FAM120B: variants seen among roughly 807,000 people sequenced by gnomAD.
FAM120B encodes the protein family with sequence similarity 120 member B.
FAM120B carries 83 observed loss-of-function variants against 96.3 expected under a neutral mutation model. That is an observed-to-expected ratio of 0.86 (90% CI 0.72 to 1.03). The LOEUF (loss-of-function observed/expected upper bound fraction) is 1.03. Ranked by LOEUF, FAM120B falls within the 50% of genes least tolerant of loss-of-function variation. The pLI, the probability that FAM120B is intolerant of heterozygous loss-of-function variation, is 0.00. For synonymous variants in FAM120B, 407 were observed against 402.7 expected, an observed-to-expected ratio of 1.01 and a Z score of -0.13; for missense variants, 1,027 against 1,121.2, an observed-to-expected ratio of 0.92 and a Z score of 1.20.
intron 1 of FAM120B, among the ~76,000 whole-genome samples, chr6:170,299,903 G>A (rs1160271074): frequency 1.3e-5 from 2 of 152,250 alleles, no homozygotes; most frequent in Non-Finnish European, 2.9e-5. Flanking sequence ...GATGTCTGCA[G>A]CAGTACCAGA....
intron 5 of FAM120B, 127 bp from the exon 6 acceptor site, chr6:170,358,099 C>T: frequency 1.3e-6 from 1 of 742,270 alleles, no homozygotes. Context: ...TGTGCGTGTG[C>T]CTGTACGTGC....
rs1783980863 is a variant in FAM120B at position 170,295,607 on chromosome 6, C to G, written c.48+154C>G. Among the ~76,000 whole-genome samples, 1 of 152,208 alleles carries G rather than the reference C, an allele frequency of 6.6e-6. No individual in the cohort carries two copies. The highest frequency in any genetic ancestry group is 1.5e-5 in the Non-Finnish European group (1 of 68,026). On this transcript the variant is annotated intron_variant, in intron 1 of 10. Coordinates refer to the FAM120B transcript ENST00000537664. This position sits in a 1 kb window ranked among gnomAD's most constrained non-coding sequence, Gnocchi z 7.8. ...AGCAGCCGGGGGCGAAGGAATCAGC[C>G]CCGCAGCGGCTCCTAAGCCTCCCCG...
chr6:170,362,657 A>G (rs1228467418), intron 6 of FAM120B, among the ~76,000 whole-genome samples: 2 of 151,728 alleles, frequency 1.3e-5, no homozygotes, highest in Non-Finnish European at 2.9e-5. Context: ...GTGCAATAAT[A>G]ATAATAATTT....
chr6:170,388,273 T>G lies in FAM120B; in HGVS notation c.2284-14T>G. On this transcript the variant is annotated splice_polypyrimidine_tract_variant and intron_variant, in intron 6 of 10. Transcript: ENST00000476287. ...CCTGTCTTACATTTTTGGTGTGTGT[T>G]CTGGTCTCCACAGCCTGATTACATC... 1 of 1,612,364 alleles carries G rather than the reference T, an allele frequency of 6.2e-7. No individual in the cohort carries two copies. Among genetic ancestry groups the G allele is most frequent in the South Asian group, 1.1e-5 (1 of 90,978 alleles).
chr6:170,303,856 A>G (rs1446279703), upstream of FAM120B, among the ~76,000 whole-genome samples: 1 of 152,134 alleles, frequency 6.6e-6, no homozygotes, highest in Non-Finnish European at 1.5e-5. Context: ...GGCCTCATTT[A>G]TTTCCTTATT....
intron 9 of FAM120B, among the ~76,000 whole-genome samples, chr6:170,403,770 G>A (rs988661841): frequency 1.3e-5 from 2 of 152,224 alleles, no homozygotes. Context: ...TGGTGATTCT[G>A]TAGGAGGCCT....
intron 9 of FAM120B, among the ~76,000 whole-genome samples, chr6:170,400,355 C>G (rs897485628): frequency 3.9e-5 from 6 of 152,128 alleles, no homozygotes; most frequent in Non-Finnish European, 8.8e-5. Flanking sequence ...CCCATCCTGC[C>G]CTGATCTCAG....
At chr6:170,328,138 T>C (rs1785730324) in intron 3 of FAM120B, among the ~76,000 whole-genome samples, 1 of 152,218 alleles carries the variant, frequency 6.6e-6, no homozygotes, top group African/African-American at 2.4e-5. Flanking sequence ...AATTAACACC[T>C]AACTTAAAAT....
rs140393192 is a variant in FAM120B, at chr6:170,341,043, C to T, written c.2018-7108C>T. On this transcript the variant is annotated intron_variant, in intron 4 of 10. Transcript: ENST00000476287. ...TGGGAGAAACCTCCTTGCCAGGATCCGCTGCTGCTCTCTGCAGAGCCGTCA... is the reference window on the plus strand; with the variant it reads ...TGGGAGAAACCTCCTTGCCAGGATCTGCTGCTGCTCTCTGCAGAGCCGTCA... 4.8e-3 allele frequency among the ~76,000 whole-genome samples: 736 copies of T among 152,302 alleles called. 8 individuals carry two copies. The highest frequency in any genetic ancestry group is 0.017 in the African/African-American group (691 of 41,544).
At chr6:170,303,731 C>A (rs1025986576), upstream of FAM120B, among the ~76,000 whole-genome samples, 1 of 152,196 alleles carries the variant, frequency 6.6e-6, no homozygotes, top group Non-Finnish European at 1.5e-5. Flanking sequence ...AATTATAACA[C>A]CCCTTTGGGT....
At chr6:170,366,234 G>A (rs1788786425) in intron 6 of FAM120B, among the ~76,000 whole-genome samples, 1 of 152,176 alleles carries the variant, frequency 6.6e-6, no homozygotes. Context: ...GGGAAGCAAA[G>A]GCCTCCCCAG....
At chr6:170,303,602 G>A (rs563714208), upstream of FAM120B, among the ~76,000 whole-genome samples, 36 of 152,218 alleles carry the variant, frequency 2.4e-4, no homozygotes, top group South Asian at 1.9e-3. Context: ...TCAATTGTGC[G>A]TATAGTCTAT....
upstream of FAM120B, among the ~76,000 whole-genome samples, chr6:170,295,130 G>A (rs527895144): frequency 1.3e-5 from 2 of 152,208 alleles, no homozygotes; most frequent in African/African-American, 4.8e-5. The surrounding 1 kb of genome is among the most constrained non-coding windows in gnomAD (Gnocchi z 7.8). Flanking sequence ...GCTGCCACAC[G>A]GGAAGTTCTC....
At chr6:170,308,396 C>T (rs1188624464) in intron 1 of FAM120B, among the ~76,000 whole-genome samples, 3 of 152,118 alleles carry the variant, frequency 2.0e-5, no homozygotes, top group Non-Finnish European at 4.4e-5. Flanking sequence ...TGGTTTCTAA[C>T]CACCTAATCT....
chr6:170,290,831 C>T, upstream of FAM120B: 1 of 625,898 alleles, frequency 1.6e-6, no homozygotes, highest in Non-Finnish European at 2.9e-6. The surrounding 1 kb of genome is among the most constrained non-coding windows in gnomAD (Gnocchi z 4.7). Flanking sequence ...ACCGGAGGGG[C>T]CGGGCCGTGG....
At chr6:170,349,493 A>C (rs947724527) in intron 5 of FAM120B, among the ~76,000 whole-genome samples, 2 of 152,242 alleles carry the variant, frequency 1.3e-5, no homozygotes, top group Admixed American at 6.5e-5. Context: ...CCCATTCTAT[A>C]GCTTGCTCTA....
chr6:170,346,716 G>GT (rs926406396), intron 4 of FAM120B, among the ~76,000 whole-genome samples: 110 of 146,010 alleles, frequency 7.5e-4, no homozygotes, highest in African/African-American at 9.8e-4. Flanking sequence ...TTTTACTTTG[G>GT]TTTTTTTTTT....
At chr6:170,290,749 C>G (rs1318267025), upstream of FAM120B, 1 of 452,072 alleles carries the variant, frequency 2.2e-6, no homozygotes, top group Non-Finnish European at 4.0e-6. The surrounding 1 kb of genome is among the most constrained non-coding windows in gnomAD (Gnocchi z 4.7). Context: ...GGGCTCCGAT[C>G]TCCGGTGTCA....
In FAM120B at chr6:170,323,263, A is replaced by G; in HGVS notation, c.1915+4A>G. 1 of 1,610,494 alleles carries G rather than the reference A, an allele frequency of 6.2e-7. No homozygotes were observed. On this transcript the variant is annotated splice_donor_region_variant and intron_variant, in intron 3 of 10. Transcript: ENST00000476287. ...CTCTTACTGGAGGACTGTCAAGGTGAGAATTGGTTGGTCCCTCTTAGTAAA... is the reference window on the plus strand; with the variant it reads ...CTCTTACTGGAGGACTGTCAAGGTGGGAATTGGTTGGTCCCTCTTAGTAAA...
Sources: allele counts gnomAD v4.1 joint callset (sites outside exome capture counted in the v4.1 genomes callset), GRCh38; gene constraint gnomAD v4.1.1; non-coding constraint Gnocchi (gnomAD v3.1); transcripts MANE v1.5; gene names NCBI Gene and HGNC (gene_info 2026-07-23, HGNC 2026-07-21).